Variants in NF1 observed in about 807,000 individuals in gnomAD.
NF1 encodes the protein neurofibromin 1.
In NF1, 122 loss-of-function variants were observed where a neutral mutation model predicts 325.7. The ratio of observed to expected loss-of-function variants is 0.37; its 90% CI spans 0.32 to 0.44. NF1 has a LOEUF of 0.44. Among genes scored for constraint, NF1 ranks in the 20% least tolerant of loss-of-function variants. NF1 has a pLI of 1.00. For synonymous variants in NF1, 1,091 were observed against 1,186.0 expected (o/e 0.92, Z 1.65); for missense variants, 2,140 against 3,415.4 (o/e 0.63, Z 9.31).
At chr17:31,145,032 T>G (rs1916492297) in intron 1 of NF1, among the ~76,000 whole-genome samples, 1 of 152,246 alleles carries the variant, frequency 6.6e-6, no homozygotes, top group Non-Finnish European at 1.5e-5. Flanking sequence ...CTTGAATCTC[T>G]GACCGCATCC....
intron 54 of NF1, chr17:31,358,064 A>AT (rs985865032): frequency 5.0e-6 from 1 of 200,552 alleles, no homozygotes; most frequent in Non-Finnish European, 1.0e-5. Flanking sequence ...ATTAAATTTA[A>AT]TTTTTTTCTT....
chr17:31,345,124 AAAGAC>A (rs1423876808), intron 48 of NF1, among the ~76,000 whole-genome samples: 2 of 152,142 alleles, frequency 1.3e-5, no homozygotes, highest in African/African-American at 4.8e-5. Flanking sequence ...CTCTGTCTTA[AAAGAC>A]AAGAAAAGAA....
chr17:31,319,984 C>T (rs1011561027), intron 36 of NF1, among the ~76,000 whole-genome samples: 3 of 152,052 alleles, frequency 2.0e-5, no homozygotes, highest in Admixed American at 2.0e-4. Context: ...GTTGAATTTC[C>T]GCTTTGGCCC....
intron 36 of NF1, among the ~76,000 whole-genome samples, chr17:31,309,543 T>G (rs2068814143): frequency 6.6e-6 from 1 of 152,212 alleles, no homozygotes; most frequent in Admixed American, 6.5e-5. Flanking sequence ...AATGTTATTC[T>G]CTTCAGAACT....
intron 36 of NF1, among the ~76,000 whole-genome samples, chr17:31,323,846 T>C (rs906645273): frequency 6.6e-6 from 1 of 152,100 alleles, no homozygotes; most frequent in East Asian, 1.9e-4. Flanking sequence ...TCTCTCTCTC[T>C]CCTTTGTCTT....
rs940718973 is a variant in NF1 at position 31,377,370 on chromosome 17, C to T, written c.*3215C>T. 1.3e-5 allele frequency: 3 copies of T among 233,116 alleles called. No individual in the cohort carries two copies. The highest frequency in any genetic ancestry group is 6.1e-5 in the East Asian group (1 of 16,498). The allele number at this position is 233,116 out of a possible 1,614,324, so 14.4% of individuals were successfully genotyped here. On this transcript the variant is annotated 3_prime_UTR_variant, in exon 58 of 58. Coordinates refer to ENST00000358273, the MANE Select transcript of NF1 (RefSeq NM_001042492.3). ...TGTTAGTATTGTTAACTTCTTTTTG[C>T]GACTGCGTTACATCATTTAAAGAAA...
chr17:31,370,321 T>C (rs976573520), intron 57 of NF1, among the ~76,000 whole-genome samples: 1 of 152,186 alleles, frequency 6.6e-6, no homozygotes, highest in Middle Eastern at 3.2e-3. Flanking sequence ...GGAAAAAAAT[T>C]GGAAAATTCA....
At chr17:31,365,025 G>A (rs2070483112) in intron 57 of NF1, among the ~76,000 whole-genome samples, 2 of 152,156 alleles carry the variant, frequency 1.3e-5, no homozygotes, top group African/African-American at 4.8e-5. Context: ...CAGGCTGAGT[G>A]CGGTGGCTCA....
At chr17:31,190,294 C>T (rs1410906657) in intron 8 of NF1, among the ~76,000 whole-genome samples, 1 of 151,976 alleles carries the variant, frequency 6.6e-6, no homozygotes, top group Non-Finnish European at 1.5e-5. Flanking sequence ...ATAGTATTCT[C>T]ACCCTTTTCT....
At position 31,232,802 on chromosome 17, in the gene NF1, A is replaced by C. The variant is rs864622524; in HGVS notation, c.3417A>C (p.Ala1139=). Residue 1139 remains alanine (A), a synonymous_variant, in exon 26 of 58, where the codon GCA becomes GCC. Coordinates refer to ENST00000358273, the MANE Select transcript of NF1 (RefSeq NM_001042492.3). ...GRKRGMSRRL[A]SLRHCTVLAM... is the part of the protein sequence containing the mutation. ...AACGTGGCATGTCTCGGAGGCTGGCATCACTGAGGCACTGTACGGTCCTTG... is the reference window on the plus strand; with the variant it reads ...AACGTGGCATGTCTCGGAGGCTGGCCTCACTGAGGCACTGTACGGTCCTTG... The C allele has an allele frequency of 1.9e-6, 3 of 1,614,192 alleles. No homozygotes were observed. Among genetic ancestry groups the C allele is most frequent in the Non-Finnish European group, 2.5e-6 (3 of 1,180,028 alleles).
In NF1 at chr17:31,376,597, T is replaced by A. The variant is rs573838130; in HGVS notation, c.*2442T>A. ...AAACCTCTCACCACTATGTGTCCCTTGAGAAATGCAACACTTTTTTAGTCT... is the reference window on the plus strand; with the variant it reads ...AAACCTCTCACCACTATGTGTCCCTAGAGAAATGCAACACTTTTTTAGTCT... On this transcript the variant is annotated 3_prime_UTR_variant, in exon 58 of 58. Coordinates refer to ENST00000358273, the MANE Select transcript of NF1 (RefSeq NM_001042492.3). 128 of 233,098 alleles carry A rather than the reference T, an allele frequency of 5.5e-4. 1 individual carries two copies. In the Admixed American group the frequency reaches 7.1e-3, roughly 13 times the overall value. 14.4% of individuals were successfully genotyped at this position (233,098 alleles called of 1,614,324 possible).
At position 31,276,033 on chromosome 17, in the gene NF1, C is replaced by T. The variant is rs148104414; in HGVS notation, c.4835+10694C>T. ...GACCATCCTGGCTAACACGGTGAAA[C>T]CCCATCTCTACTAAAAATACAAAAA... On this transcript the variant is annotated intron_variant, in intron 36 of 57. Coordinates refer to ENST00000358273, the MANE Select transcript of NF1 (RefSeq NM_001042492.3). Among the ~76,000 whole-genome samples the T allele has an allele frequency of 4.3e-3, 652 of 151,974 alleles. 4 individuals carry two copies. The highest frequency in any genetic ancestry group is 0.019 in the East Asian group (97 of 5,162).
chr17:31,135,387 C>T (rs1343038810), intron 1 of NF1, among the ~76,000 whole-genome samples: 1 of 152,022 alleles, frequency 6.6e-6, no homozygotes. Context: ...TTTTCCATTT[C>T]TTAACTATCA....
chr17:31,275,537 T>C (rs1476399991), intron 36 of NF1, among the ~76,000 whole-genome samples: 2 of 152,248 alleles, frequency 1.3e-5, no homozygotes, highest in African/African-American at 4.8e-5. Flanking sequence ...TTAAACTTTA[T>C]CACAGGTATT....
chr17:31,202,134 G>A (rs2066541608), intron 11 of NF1, among the ~76,000 whole-genome samples: 1 of 152,160 alleles, frequency 6.6e-6, no homozygotes, highest in Non-Finnish European at 1.5e-5. Flanking sequence ...TAAATAGACA[G>A]CAAAACTATC....
intron 1 of NF1, among the ~76,000 whole-genome samples, chr17:31,148,823 T>A (rs1916746613): frequency 6.6e-6 from 1 of 152,162 alleles, no homozygotes; most frequent in South Asian, 2.1e-4. Context: ...TCAGTTGATT[T>A]GTTTATTTTT....
At chr17:31,209,794 A>G (rs538835881) in intron 12 of NF1, among the ~76,000 whole-genome samples, 3 of 152,246 alleles carry the variant, frequency 2.0e-5, no homozygotes, top group African/African-American at 7.2e-5. Flanking sequence ...CTGGGGTTAC[A>G]GGTGCCCACC....
chr17:31,280,365 T>A (rs1469336422), intron 36 of NF1, among the ~76,000 whole-genome samples: 1 of 151,318 alleles, frequency 6.6e-6, no homozygotes, highest in Non-Finnish European at 1.5e-5. Context: ...ATAAATTAGC[T>A]GGGCGTGGTG....
chr17:31,230,651 A>T (rs1195067071), intron 23 of NF1, among the ~76,000 whole-genome samples, 191 bp from the exon 24 acceptor site: 2 of 152,124 alleles, frequency 1.3e-5, no homozygotes, highest in Non-Finnish European at 2.9e-5. Context: ...ATGATGGAGG[A>T]TAAATATCCA....
Sources: allele counts gnomAD v4.1 joint callset (sites outside exome capture counted in the v4.1 genomes callset), GRCh38; gene constraint gnomAD v4.1.1; transcripts MANE v1.5; gene names NCBI Gene and HGNC (gene_info 2026-07-23, HGNC 2026-07-21).